TDRD9: variants seen among roughly 807,000 people sequenced by gnomAD.
The protein encoded by TDRD9 is ATP-dependent RNA helicase TDRD9.
TDRD9 carries 124 observed loss-of-function variants against 172.6 expected under a neutral mutation model. The observed-to-expected ratio is 0.72, with a 90% CI of 0.62 to 0.83. The LOEUF (loss-of-function observed/expected upper bound fraction) is 0.83. TDRD9 is among the 40% of genes least tolerant of loss of function. The probability of loss-of-function intolerance (pLI) is 0.00; values close to 1 mark genes in which losing one functional copy is unlikely to be tolerated. For missense variants in TDRD9, 1,479 were observed against 1,714.1 expected (o/e 0.86, Z 2.42); for synonymous variants, 619 against 617.1 (o/e 1.00, Z -0.05).
chr14:104,008,667 C>T lies in TDRD9; in HGVS notation c.2106+201C>T, dbSNP rs186231984. On this transcript the variant is annotated intron_variant, in intron 20 of 35. Coordinates refer to ENST00000409874, the MANE Select transcript of TDRD9 (RefSeq NM_153046.3). ...ACTACTTGGGTTTCTAATAAATACTCCTTTTCCAGTTAAGGAATGTATTTC... is the reference window on the plus strand; with the variant it reads ...ACTACTTGGGTTTCTAATAAATACTTCTTTTCCAGTTAAGGAATGTATTTC... 1.6e-3 allele frequency among the ~76,000 whole-genome samples: 244 copies of T among 152,272 alleles called. 2 individuals are homozygous for T. The highest frequency in any genetic ancestry group is 5.6e-3 in the African/African-American group (234 of 41,542).
At chr14:104,004,408 T>C (rs2034369140) in intron 14 of TDRD9, 73 bp downstream of exon 14, 4 of 856,778 alleles carry the variant, frequency 4.7e-6, no homozygotes, top group Non-Finnish European at 7.4e-6. Flanking sequence ...TGAGACGGAG[T>C]CTTGCACTGT....
chr14:103,970,278 C>T (rs79470489), intron 5 of TDRD9, among the ~76,000 whole-genome samples: 164 of 152,104 alleles, frequency 1.1e-3, no homozygotes, highest in African/African-American at 3.6e-3. Context: ...TGAGCAGGGG[C>T]GAGGGTGCAG....
chr14:103,937,861 T>A (rs2030875225), intron 1 of TDRD9, among the ~76,000 whole-genome samples: 1 of 137,576 alleles, frequency 7.3e-6, no homozygotes, highest in Non-Finnish European at 1.6e-5. Flanking sequence ...GATTTTCTTT[T>A]TTTTTTAATT....
intron 3 of TDRD9, among the ~76,000 whole-genome samples, chr14:103,963,752 T>G (rs931775901): frequency 3.3e-5 from 5 of 152,202 alleles, no homozygotes; most frequent in African/African-American, 7.2e-5. Context: ...AAGAAGGAGT[T>G]ACAGATAAAA....
At chr14:104,036,388 A>G (rs2035450648) in intron 32 of TDRD9, among the ~76,000 whole-genome samples, 1 of 152,146 alleles carries the variant, frequency 6.6e-6, no homozygotes, top group South Asian at 2.1e-4. Flanking sequence ...ATCCCTCTGT[A>G]AGTTCAGGCG....
chr14:104,037,395 CT>C (rs1438153170), intron 32 of TDRD9, among the ~76,000 whole-genome samples: 2 of 152,188 alleles, frequency 1.3e-5, no homozygotes, highest in African/African-American at 4.8e-5. Flanking sequence ...CCTGGCCCCC[CT>C]TGTTAAACGC....
chr14:103,980,463 C>A lies in TDRD9; in HGVS notation c.1011+4910C>A, dbSNP rs1393314645. Among the ~76,000 whole-genome samples the A allele has an allele frequency of 6.6e-6, 1 of 152,104 alleles. No individual in the cohort carries two copies. Among genetic ancestry groups the A allele is most frequent in the Non-Finnish European group, 1.5e-5 (1 of 68,006 alleles). ...AGCTTATGCTATTATTTCTGCTTATCAGAGACTTTTAGTACTTTCACTAAC... is the reference window on the plus strand; with the variant it reads ...AGCTTATGCTATTATTTCTGCTTATAAGAGACTTTTAGTACTTTCACTAAC... On this transcript the variant is annotated intron_variant, in intron 7 of 35. Transcript: ENST00000409874. This position sits in a 1 kb window ranked among gnomAD's most constrained non-coding sequence, Gnocchi z 4.5.
intron 2 of TDRD9, 73 bp downstream of exon 2, chr14:103,955,843 T>C: frequency 2.4e-6 from 3 of 1,276,262 alleles, no homozygotes; most frequent in African/African-American, 1.5e-5. Flanking sequence ...AGGTTCATAG[T>C]GCATGCCTGT....
chr14:103,965,205 C>A, intron 3 of TDRD9, 128 bp from the exon 4 acceptor site: 1 of 965,958 alleles, frequency 1.0e-6, no homozygotes, highest in South Asian at 1.6e-5. Flanking sequence ...GAGCGAGACT[C>A]CATCTCAAAC....
intron 7 of TDRD9, among the ~76,000 whole-genome samples, chr14:103,983,677 G>A (rs1276973272): frequency 1.3e-5 from 2 of 152,194 alleles, no homozygotes; most frequent in East Asian, 3.8e-4. Flanking sequence ...TCAGCTTGGG[G>A]AAAGCTGGGC....
intron 34 of TDRD9, among the ~76,000 whole-genome samples, chr14:104,043,851 C>T (rs2035681645): frequency 6.6e-6 from 1 of 152,230 alleles, no homozygotes. Context: ...TCGGGAAAGG[C>T]AGTCTCATGC....
chr14:104,014,387 C>A (rs1292459559), intron 20 of TDRD9, among the ~76,000 whole-genome samples: 1 of 151,828 alleles, frequency 6.6e-6, no homozygotes, highest in Non-Finnish European at 1.5e-5. Flanking sequence ...TCAGGTGATC[C>A]TCCCATCTCA....
intron 35 of TDRD9, among the ~76,000 whole-genome samples, chr14:104,051,279 A>G (rs549544030): frequency 1.8e-4 from 28 of 152,250 alleles, no homozygotes; most frequent in African/African-American, 6.3e-4. Context: ...CGATTGCACA[A>G]TTTCATTCTT....
intron 1 of TDRD9, among the ~76,000 whole-genome samples, chr14:103,944,604 C>T (rs1263384005): frequency 2.5e-5 from 3 of 120,578 alleles, no homozygotes; most frequent in African/African-American, 6.3e-5. Context: ...CTTGCTCTGT[C>T]GCCCAGGCTG....
chr14:103,986,791 T>C (rs1423206772), intron 8 of TDRD9, among the ~76,000 whole-genome samples: 1 of 152,154 alleles, frequency 6.6e-6, no homozygotes, highest in Admixed American at 6.5e-5. Flanking sequence ...AGGAACAGTT[T>C]TAGGTTATAA....
intron 11 of TDRD9, among the ~76,000 whole-genome samples, chr14:103,995,229 C>G (rs2034015860): frequency 6.6e-6 from 1 of 152,140 alleles, no homozygotes; most frequent in Non-Finnish European, 1.5e-5. Context: ...TATTCTAGGT[C>G]CTGCTTCAGG....
chr14:103,973,756 A>G (rs554791133), intron 6 of TDRD9, among the ~76,000 whole-genome samples: 2 of 152,310 alleles, frequency 1.3e-5, no homozygotes, highest in South Asian at 2.1e-4. Flanking sequence ...TTCCACTCCA[A>G]GTGGCTTCTG....
intron 11 of TDRD9, 54 bp downstream of exon 11, chr14:103,994,657 GACTCT>G (rs2033992814): frequency 9.7e-6 from 14 of 1,449,540 alleles, no homozygotes; most frequent in Non-Finnish European, 1.3e-5. Flanking sequence ...TTTCCTTAGA[GACTCT>G]ACTCATGAAA....
At chr14:103,984,779 G>A (rs1256049901) in intron 7 of TDRD9, among the ~76,000 whole-genome samples, 1 of 152,112 alleles carries the variant, frequency 6.6e-6, no homozygotes, top group African/African-American at 2.4e-5. Context: ...TAGATCCACC[G>A]ACAGCTTGTA....
Sources: gnomAD v4.1 joint callset for allele counts (sites outside exome capture counted in the v4.1 genomes callset) on GRCh38, gnomAD v4.1.1 for gene constraint, Gnocchi (gnomAD v3.1) non-coding constraint, MANE v1.5 for transcripts, NCBI Gene and HGNC (gene_info 2026-07-23, HGNC 2026-07-21) for gene names.